Variants in TBC1D2 observed in about 807,000 individuals in gnomAD.
The protein encoded by TBC1D2 is TBC1 domain family member 2, also known as TBC1 domain family member 2A.
Under a neutral mutation model 91.1 loss-of-function variants are expected in TBC1D2, and 58 were observed. That is an observed-to-expected ratio of 0.64 (90% CI 0.52 to 0.79). TBC1D2 has a LOEUF of 0.79. Ranked by LOEUF, TBC1D2 falls within the 30% of genes least tolerant of loss-of-function variation. The pLI is 0.00. For synonymous variants in TBC1D2, 482 were observed against 511.5 expected, an observed-to-expected ratio of 0.94 and a Z score of 0.78; for missense variants, 1,080 against 1,208.3, an observed-to-expected ratio of 0.89 and a Z score of 1.57.
chr9:98,203,595 T>G (rs1388159213), intron 9 of TBC1D2, among the ~76,000 whole-genome samples, 187 bp from the exon 10 acceptor site: 1 of 152,186 alleles, frequency 6.6e-6, no homozygotes, highest in African/African-American at 2.4e-5. Flanking sequence ...TTGGGGAGGA[T>G]GACCGGCGAT....
In TBC1D2 at chr9:98,251,853, G is replaced by A. The variant is rs563256514; in HGVS notation, c.443C>T (p.Pro148Leu). Residue 148 changes from proline to leucine, a missense_variant, in exon 2 of 13, where the codon CCG becomes CTG. Transcript: ENST00000465784. ...QMKRWEFHNS[P>L]PAPPATPDAA... ...ATCAGGGGTGGCAGGAGGTGCCGGC[G>A]GGCTGTTGTGGAATTCCCAGCGCTT... 6.0e-5 allele frequency: 96 copies of A among 1,605,184 alleles called. No homozygotes were observed. In the South Asian group the frequency reaches 7.4e-4, roughly 12 times the overall value.
chr9:98,234,482 A>G (rs1354334063), intron 3 of TBC1D2, among the ~76,000 whole-genome samples: 1 of 152,234 alleles, frequency 6.6e-6, no homozygotes, highest in Non-Finnish European at 1.5e-5. Context: ...TTTCGAACTG[A>G]AAGTTCCCAC....
Position 98,201,538 on chromosome 9 carries a change from T to C in TBC1D2, c.2398A>G (p.Ser800Gly), listed in dbSNP as rs777686317. The change falls in exon 11 of 13, where the codon AGT becomes GGT. Residue 800 changes from serine to glycine, a missense_variant. Ser to Gly is a moderately conservative substitution (Grantham distance 56). Transcript: ENST00000465784. ...FNWFLVVFAD[S>G]LISNILLRVW... The stretch of plus-strand genomic sequence containing the variant: ...CGAAGGAGGATGTTGCTAATGAGAC[T>C]GTCCGCAAAGACCACGAGGAACCAG... The C allele has an allele frequency of 1.2e-6, 2 of 1,614,026 alleles. No individual in the cohort carries two copies. Among genetic ancestry groups the C allele is most frequent in the South Asian group, 1.1e-5 (1 of 91,084 alleles).
chr9:98,242,091 G>A (rs1290475882), intron 3 of TBC1D2, among the ~76,000 whole-genome samples: 4 of 152,110 alleles, frequency 2.6e-5, no homozygotes, highest in African/African-American at 7.2e-5. Context: ...TCAAAGTCCC[G>A]TGAGCAATCT....
chr9:98,251,281 A>C (rs1829869139), intron 2 of TBC1D2, among the ~76,000 whole-genome samples: 1 of 149,792 alleles, frequency 6.7e-6, no homozygotes, highest in African/African-American at 2.5e-5. Context: ...ACAGAGTGAG[A>C]CTCCATCTCA....
intron 3 of TBC1D2, among the ~76,000 whole-genome samples, chr9:98,241,649 A>G (rs550356299): frequency 6.6e-6 from 1 of 151,930 alleles, no homozygotes; most frequent in Non-Finnish European, 1.5e-5. Flanking sequence ...TCAGGCATGG[A>G]CTCAGTTTAA....
intron 4 of TBC1D2, among the ~76,000 whole-genome samples, chr9:98,231,724 C>A (rs1392902341): frequency 1.3e-5 from 2 of 152,098 alleles, no homozygotes; most frequent in Non-Finnish European, 2.9e-5. Flanking sequence ...GTCACTCCAC[C>A]CTTCCATGCC....
rs1411904271 is a variant in TBC1D2, at chr9:98,255,406, TG to T, written c.135del (p.Lys46ArgfsTer7). On this transcript the variant is annotated frameshift_variant, in exon 1 of 13. Transcript: ENST00000465784. LOFTEE classifies it high-confidence loss of function. ...TTACTTAAATACCCACAGAGTTTCTTGGGGACCGCCTCCAGGGACCGGGCGC... is the reference window on the plus strand; with the variant it reads ...TTACTTAAATACCCACAGAGTTTCTTGGGACCGCCTCCAGGGACCGGGCGC... ...GDCARSLEAV[P>X]KKLCGYLSKF... 1 of 1,613,588 alleles carries T rather than the reference TG, an allele frequency of 6.2e-7. No homozygotes were observed. The highest frequency in any genetic ancestry group is 1.1e-5 in the South Asian group (1 of 91,060).
chr9:98,223,122 C>T (rs1829140117), intron 5 of TBC1D2, among the ~76,000 whole-genome samples: 1 of 152,260 alleles, frequency 6.6e-6, no homozygotes, highest in East Asian at 1.9e-4. Context: ...GAATGATCTA[C>T]TGCAAGTCAG....
rs781100733 is a variant in TBC1D2, at chr9:98,221,090, C to T, written c.1117G>A (p.Gly373Ser). ...TGCTCCAGGGCCTCCACCCGCCGGC[C>T]CAGCTCCGCGATCTGCCGCACTTTG... ...RHKVRQIAEL[G>S]RRVEALEQER... Residue 373 changes from glycine (G) to serine (S), a missense_variant, in exon 6 of 13, where the codon GGC becomes AGC. By Grantham distance (56) the Gly-to-Ser change is moderately conservative. Transcript: ENST00000465784. 2 of 1,608,902 alleles carry T rather than the reference C, an allele frequency of 1.2e-6. No individual in the cohort carries two copies. The highest frequency in any genetic ancestry group is 1.3e-5 in the African/African-American group (1 of 74,972).
At chr9:98,206,249 C>T (rs1828651359) in intron 9 of TBC1D2, among the ~76,000 whole-genome samples, 1 of 152,228 alleles carries the variant, frequency 6.6e-6, no homozygotes, top group African/African-American at 2.4e-5. Context: ...AGCCACTGTG[C>T]CTGGCCTATT....
chr9:98,229,773 G>A (rs1009650481), intron 4 of TBC1D2, among the ~76,000 whole-genome samples: 1 of 152,058 alleles, frequency 6.6e-6, no homozygotes, highest in African/African-American at 2.4e-5. Context: ...ACAACCTATG[G>A]TTCACAGGCC....
rs775339179 is a variant in TBC1D2 at position 98,200,283 on chromosome 9, C to A, written c.2549G>T (p.Arg850Leu). Residue 850 changes from arginine to leucine, a missense_variant, in exon 12 of 13, where the codon CGC (arginine) becomes CTC (leucine). Transcript: ENST00000465784. ...QNGLEIYQYL[R>L]FFTKTISNSR... Reference sequence around the variant, plus strand: ...GTTGGAGATGGTCTTGGTGAAGAAGCGCAGGTACTGGTAGATTTCCAGGCC... The same window carrying A: ...GTTGGAGATGGTCTTGGTGAAGAAGAGCAGGTACTGGTAGATTTCCAGGCC... 1.9e-6 allele frequency: 3 copies of A among 1,613,508 alleles called. No homozygotes were observed. The highest frequency in any genetic ancestry group is 2.7e-5 in the African/African-American group (2 of 74,748).
chr9:98,218,499 G>A (rs1179387279), intron 6 of TBC1D2, among the ~76,000 whole-genome samples: 1 of 152,044 alleles, frequency 6.6e-6, no homozygotes, highest in African/African-American at 2.4e-5. Context: ...CCTGGGAGGC[G>A]GAGCTTGCAG....
At chr9:98,224,152 G>GC (rs1829168477) in intron 5 of TBC1D2, among the ~76,000 whole-genome samples, 1 of 147,760 alleles carries the variant, frequency 6.8e-6, no homozygotes, top group Non-Finnish European at 1.5e-5. Flanking sequence ...AGCTGAGATC[G>GC]CACCACTGCA....
At chr9:98,205,224 G>A (rs1257737014) in intron 9 of TBC1D2, among the ~76,000 whole-genome samples, 1 of 152,188 alleles carries the variant, frequency 6.6e-6, no homozygotes, top group Non-Finnish European at 1.5e-5. Context: ...CCTCAGAATG[G>A]CCTCAGTCTA....
At position 98,228,529 on chromosome 9, in the gene TBC1D2, A is replaced by G. The variant is rs1487483584; in HGVS notation, c.978+423T>C. On this transcript the variant is annotated intron_variant, in intron 5 of 12. Coordinates refer to ENST00000465784, the MANE Select transcript of TBC1D2 (RefSeq NM_001267571.2). This position sits in a 1 kb window ranked among gnomAD's most constrained non-coding sequence, Gnocchi z 4.0. ...TGCTGCTTGTTTGCTTTCTCCTGTGACAGTCTTGTGACGGTCATTCAGATA... is the reference window on the plus strand; with the variant it reads ...TGCTGCTTGTTTGCTTTCTCCTGTGGCAGTCTTGTGACGGTCATTCAGATA... Among the ~76,000 whole-genome samples the G allele has an allele frequency of 6.6e-6, 1 of 152,188 alleles. No homozygotes were observed. The highest frequency in any genetic ancestry group is 1.5e-5 in the Non-Finnish European group (1 of 68,036).
At chr9:98,217,061 T>C (rs3739665) in intron 6 of TBC1D2, among the ~76,000 whole-genome samples, 94,085 of 151,644 alleles carry the variant, frequency 0.62, 29,810 homozygotes, top group African/African-American at 0.76. Flanking sequence ...TGCTTCCAGC[T>C]CTAGGGAAGG....
rs544439243 is a variant in TBC1D2 at position 98,209,598 on chromosome 9, G to A, written c.1674-454C>T. On this transcript the variant is annotated intron_variant, in intron 8 of 12. Transcript: ENST00000465784. ...AGACAGGTGGGACAGCTGGGGACCC[G>A]TTCCAGAAGGCCTTTGATTTATTCA... Among the ~76,000 whole-genome samples, 71 of 152,184 alleles carry A rather than the reference G, an allele frequency of 4.7e-4. 1 individual carries two copies. The highest frequency in any genetic ancestry group is 2.9e-3 in the Admixed American group (45 of 15,290).
Sources: allele counts gnomAD v4.1 joint callset (sites outside exome capture counted in the v4.1 genomes callset), GRCh38; gene constraint gnomAD v4.1.1; non-coding constraint Gnocchi (gnomAD v3.1); transcripts MANE v1.5; gene names NCBI Gene and HGNC (gene_info 2026-07-23, HGNC 2026-07-21).